MIPOL1: variants seen among roughly 807,000 people sequenced by gnomAD.
MIPOL1 encodes mirror-image polydactyly 1.
In MIPOL1, 57 loss-of-function variants were observed where a neutral mutation model predicts 60.9. The ratio of observed to expected loss-of-function variants is 0.94; its 90% CI spans 0.76 to 1.17. The LOEUF (loss-of-function observed/expected upper bound fraction) is 1.17. Among genes scored for constraint, MIPOL1 ranks in the 50% most tolerant of loss-of-function variants. The pLI, the probability that MIPOL1 is intolerant of heterozygous loss-of-function variation, is 0.00. For synonymous variants in MIPOL1, 179 were observed against 168.8 expected (o/e 1.06, Z -0.47); for missense variants, 551 against 511.6 (o/e 1.08, Z -0.74).
At chr14:37,229,625 A>G (rs186377383) in intron 1 of MIPOL1, among the ~76,000 whole-genome samples, 5 of 152,316 alleles carry the variant, frequency 3.3e-5, no homozygotes, top group Admixed American at 3.3e-4. Context: ...TTATGCAGCG[A>G]TGTAGAAATA....
chr14:37,357,116 A>G (rs1180685634), intron 9 of MIPOL1, among the ~76,000 whole-genome samples: 2 of 152,206 alleles, frequency 1.3e-5, no homozygotes, highest in Non-Finnish European at 2.9e-5. Context: ...TCTTTGGAGT[A>G]TATACCCAGT....
Position 37,361,376 on chromosome 14 carries a change from C to G in MIPOL1, c.829-8141C>G, listed in dbSNP as rs116807050. Among the ~76,000 whole-genome samples, 269 of 151,772 alleles carry G rather than the reference C, an allele frequency of 1.8e-3. 1 individual carries two copies. The highest frequency in any genetic ancestry group is 5.8e-3 in the African/African-American group (241 of 41,480). ...GCATTCAAGTCCTGGATATCCTTCT[C>G]TCTCTTGGTTAACCTTCTCTCTCAT... On this transcript the variant is annotated intron_variant, in intron 9 of 12. Coordinates refer to ENST00000684589, the MANE Select transcript of MIPOL1 (RefSeq NM_001388067.1).
chr14:37,395,114 C>G (rs1340665960), intron 10 of MIPOL1, among the ~76,000 whole-genome samples: 1 of 152,094 alleles, frequency 6.6e-6, no homozygotes, highest in Non-Finnish European at 1.5e-5. Context: ...TTCCATTGGT[C>G]TAAGTGCCTG....
rs369953965 is a variant in MIPOL1, at chr14:37,223,181, C to T, written c.-198-23922C>T. 6.8e-4 allele frequency among the ~76,000 whole-genome samples: 103 copies of T among 150,526 alleles called. 1 individual carries two copies. Among genetic ancestry groups the T allele is most frequent in the East Asian group, 8.1e-4 (4 of 4,942 alleles). ...CCAAGTAGCTGGGATTACAAGCATGCGCCACCACACCTGGCTGGTTTTTCT... is the reference window on the plus strand; with the variant it reads ...CCAAGTAGCTGGGATTACAAGCATGTGCCACCACACCTGGCTGGTTTTTCT... On this transcript the variant is annotated intron_variant, in intron 1 of 12. Transcript: ENST00000684589.
chr14:37,451,878 A>G (rs552391423), intron 11 of MIPOL1, among the ~76,000 whole-genome samples: 38 of 134,328 alleles, frequency 2.8e-4, no homozygotes, highest in African/African-American at 1.0e-3. Context: ...GCAGTGGCGC[A>G]ATCTCGGCTC....
intron 6 of MIPOL1, among the ~76,000 whole-genome samples, chr14:37,279,276 A>T (rs980103873): frequency 6.7e-6 from 1 of 149,914 alleles, no homozygotes; most frequent in Non-Finnish European, 1.5e-5. Flanking sequence ...TGCAATTAAC[A>T]GTAGATTTTA....
At chr14:37,490,822 G>A (rs984899038) in intron 11 of MIPOL1, among the ~76,000 whole-genome samples, 14 of 152,154 alleles carry the variant, frequency 9.2e-5, no homozygotes, top group African/African-American at 3.4e-4. Context: ...AGGTACCTCA[G>A]TAGGAAATGC....
chr14:37,288,127 TATTA>T (rs1451997346), intron 7 of MIPOL1, among the ~76,000 whole-genome samples: 1 of 152,100 alleles, frequency 6.6e-6, no homozygotes, highest in African/African-American at 2.4e-5. Flanking sequence ...AATGGACTTT[TATTA>T]ATTGTTTTCT....
At chr14:37,328,308 C>T (rs1278859742) in intron 9 of MIPOL1, among the ~76,000 whole-genome samples, 1 of 152,128 alleles carries the variant, frequency 6.6e-6, no homozygotes, top group East Asian at 1.9e-4. Context: ...AGCCACCACA[C>T]CCGGCCCAGA....
At chr14:37,382,211 A>G (rs766825113) in intron 10 of MIPOL1, among the ~76,000 whole-genome samples, 1 of 152,068 alleles carries the variant, frequency 6.6e-6, no homozygotes, top group Non-Finnish European at 1.5e-5. Context: ...ATTTGGAATA[A>G]GTGATATATT....
At chr14:37,364,278 A>G (rs1054362508) in intron 9 of MIPOL1, among the ~76,000 whole-genome samples, 1 of 152,224 alleles carries the variant, frequency 6.6e-6, no homozygotes, top group African/African-American at 2.4e-5. Flanking sequence ...AACAGAAACC[A>G]AGAAATTTTT....
At chr14:37,367,100 T>C (rs1393474489) in intron 9 of MIPOL1, among the ~76,000 whole-genome samples, 1 of 152,080 alleles carries the variant, frequency 6.6e-6, no homozygotes, top group Admixed American at 6.6e-5. Context: ...TTATCTGCTT[T>C]ATAACTATTT....
intron 10 of MIPOL1, chr14:37,401,051 A>G (rs897478652): frequency 6.6e-6 from 1 of 152,170 alleles, no homozygotes; most frequent in Non-Finnish European, 1.5e-5. Context: ...AAAAATGACC[A>G]TTGGTTAAAA....
At chr14:37,525,589 A>G (rs780715252) in intron 12 of MIPOL1, among the ~76,000 whole-genome samples, 2 of 152,192 alleles carry the variant, frequency 1.3e-5, no homozygotes, top group Non-Finnish European at 2.9e-5. Context: ...CCTTGGGTTT[A>G]TGTGTGTTTC....
intron 7 of MIPOL1, among the ~76,000 whole-genome samples, chr14:37,288,764 C>T (rs968278611): frequency 1.3e-5 from 2 of 151,668 alleles, no homozygotes; most frequent in Admixed American, 6.6e-5. Context: ...TGAACCTATG[C>T]ACTCCAGCAT....
intron 12 of MIPOL1, among the ~76,000 whole-genome samples, chr14:37,514,395 T>C (rs903525700): frequency 1.3e-5 from 2 of 152,206 alleles, no homozygotes; most frequent in Non-Finnish European, 2.9e-5. Flanking sequence ...GTTAGTGTAC[T>C]TTAAAATATG....
intron 10 of MIPOL1, among the ~76,000 whole-genome samples, chr14:37,388,215 A>G (rs2093130131): frequency 6.6e-6 from 1 of 151,776 alleles, no homozygotes; most frequent in African/African-American, 2.4e-5. Flanking sequence ...TTTAACAATT[A>G]TTTGTTTAAA....
chr14:37,363,610 T>C (rs189130390), intron 9 of MIPOL1, among the ~76,000 whole-genome samples: 2 of 152,332 alleles, frequency 1.3e-5, no homozygotes, highest in East Asian at 3.9e-4. Flanking sequence ...GAGGAGGCAG[T>C]CTGTCCATTC....
intron 9 of MIPOL1, among the ~76,000 whole-genome samples, chr14:37,313,672 T>C (rs959274271): frequency 6.6e-6 from 1 of 152,198 alleles, no homozygotes; most frequent in Non-Finnish European, 1.5e-5. Flanking sequence ...AAATTCTTTA[T>C]GTACATGCGT....
Sources: gnomAD v4.1 joint callset for allele counts (sites outside exome capture counted in the v4.1 genomes callset) on GRCh38, gnomAD v4.1.1 for gene constraint, MANE v1.5 for transcripts, NCBI Gene and HGNC (gene_info 2026-07-23, HGNC 2026-07-21) for gene names.